The following CREB5 variants were observed in gnomAD, a reference collection of about 807,000 sequenced individuals.
The protein encoded by CREB5 is cyclic AMP-responsive element-binding protein 5.
Under a neutral mutation model 57.1 loss-of-function variants are expected in CREB5, and 19 were observed. The ratio of observed to expected loss-of-function variants is 0.33; its 90% CI spans 0.23 to 0.49. The LOEUF is 0.49. Ranked by LOEUF, CREB5 falls within the 20% of genes least tolerant of loss-of-function variation. The probability of loss-of-function intolerance (pLI) is 0.99; values close to 1 mark genes in which losing one functional copy is unlikely to be tolerated. For missense variants in CREB5, 579 were observed against 671.6 expected, an observed-to-expected ratio of 0.86 and a Z score of 1.52; for synonymous variants, 238 against 238.3, an observed-to-expected ratio of 1.00 and a Z score of 0.01.
At chr7:28,386,861 G>A (rs1280093708) in intron 1 of CREB5, among the ~76,000 whole-genome samples, 6 of 152,136 alleles carry the variant, frequency 3.9e-5, no homozygotes, top group African/African-American at 1.2e-4. Flanking sequence ...GTTTGCTGAG[G>A]ACAATGGCCT....
intron 1 of CREB5, among the ~76,000 whole-genome samples, chr7:28,417,354 T>TC (rs70977042): frequency 0.036 from 2,376 of 66,298 alleles, 43 homozygotes; most frequent in South Asian, 0.13. Context: ...TTTCTCTCTC[T>TC]TTTTTTTTTT....
In CREB5 at chr7:28,818,690, G is replaced by T. The variant is rs1409576826; in HGVS notation, c.1364-426G>T. The T allele has an allele frequency of 1.5e-5, 7 of 453,210 alleles. No individual in the cohort carries two copies. In the East Asian group the frequency reaches 4.8e-4, roughly 31 times the overall value. 28.1% of individuals were successfully genotyped at this position (453,210 alleles called of 1,614,324 possible). ...TGGAATGCCAGTTGGTTAAATGATA[G>T]TTGAGTAGGGATGGTGGGAGGAGCA... On this transcript the variant is annotated intron_variant, in intron 10 of 10. Transcript: ENST00000357727.
chr7:28,649,130 A>G (rs1158974591), intron 5 of CREB5, among the ~76,000 whole-genome samples: 1 of 152,332 alleles, frequency 6.6e-6, no homozygotes, highest in East Asian at 1.9e-4. Flanking sequence ...GGTGAACTAT[A>G]TACGAAGCAG....
At position 28,470,836 on chromosome 7, in the gene CREB5, G is replaced by A. The variant is rs150748952; in HGVS notation, c.4-17339G>A. Among the ~76,000 whole-genome samples the A allele has an allele frequency of 3.0e-3, 454 of 152,268 alleles. 5 individuals carry two copies. The highest frequency in any genetic ancestry group is 0.01 in the African/African-American group (430 of 41,558). On this transcript the variant is annotated intron_variant, in intron 1 of 10. Coordinates refer to ENST00000357727, the MANE Select transcript of CREB5 (RefSeq NM_182898.4). ...CATTTCTCTGATGATAAATGACGTT[G>A]CACACCCTTTCATATGTCGGTTTGC...
chr7:28,533,913 T>C (rs1156563143), intron 4 of CREB5, among the ~76,000 whole-genome samples: 3 of 152,152 alleles, frequency 2.0e-5, no homozygotes, highest in Non-Finnish European at 2.9e-5. Flanking sequence ...AGTGTAAACA[T>C]GAGTCAGAAT....
intron 1 of CREB5, among the ~76,000 whole-genome samples, chr7:28,371,560 A>T (rs975264089): frequency 1.3e-5 from 2 of 151,186 alleles, no homozygotes; most frequent in Non-Finnish European, 2.9e-5. Flanking sequence ...GAGCTGGAAC[A>T]GGTCTTCAGC....
chr7:28,790,682 A>G (rs1027184149), intron 7 of CREB5, among the ~76,000 whole-genome samples: 2 of 152,260 alleles, frequency 1.3e-5, no homozygotes, highest in Admixed American at 1.3e-4. Context: ...AAACGTTTCA[A>G]TCGAAACCCA....
At chr7:28,387,046 A>G (rs1273814959) in intron 1 of CREB5, among the ~76,000 whole-genome samples, 1 of 152,166 alleles carries the variant, frequency 6.6e-6, no homozygotes, top group African/African-American at 2.4e-5. Flanking sequence ...ATACACATGC[A>G]TGTATCTTTA....
At chr7:28,556,450 C>T (rs1039387387) in intron 4 of CREB5, among the ~76,000 whole-genome samples, 1 of 151,962 alleles carries the variant, frequency 6.6e-6, no homozygotes, top group Admixed American at 6.5e-5. Context: ...TTAGCTCTGC[C>T]GTCTATTGTT....
At chr7:28,718,039 C>A (rs1802800855) in intron 5 of CREB5, among the ~76,000 whole-genome samples, 2 of 152,172 alleles carry the variant, frequency 1.3e-5, no homozygotes, top group South Asian at 4.1e-4. Flanking sequence ...GTACAATACT[C>A]CCCCGAGGAG....
At chr7:28,791,019 G>A (rs368080667) in intron 7 of CREB5, among the ~76,000 whole-genome samples, 4 of 152,146 alleles carry the variant, frequency 2.6e-5, no homozygotes, top group Non-Finnish European at 4.4e-5. Context: ...GAAAACAACC[G>A]TATAGGATAC....
chr7:28,573,823 A>C (rs1795797337), intron 5 of CREB5, among the ~76,000 whole-genome samples: 1 of 152,204 alleles, frequency 6.6e-6, no homozygotes, highest in African/African-American at 2.4e-5. Context: ...GCCAAACCAG[A>C]CCAAAATGAG....
chr7:28,473,597 G>A (rs931619694), intron 1 of CREB5, among the ~76,000 whole-genome samples: 2 of 152,178 alleles, frequency 1.3e-5, no homozygotes, highest in African/African-American at 4.8e-5. Context: ...GACTTTTGCT[G>A]GAAGACTGAG....
At chr7:28,794,187 T>G (rs1405410572) in intron 7 of CREB5, among the ~76,000 whole-genome samples, 1 of 152,222 alleles carries the variant, frequency 6.6e-6, no homozygotes, top group East Asian at 1.9e-4. Context: ...AGGGATTACT[T>G]TTTTCCAATA....
intron 4 of CREB5, among the ~76,000 whole-genome samples, chr7:28,553,774 C>T (rs552403953): frequency 2.0e-5 from 3 of 152,202 alleles, no homozygotes; most frequent in Admixed American, 6.5e-5. Flanking sequence ...TAGGAAAATA[C>T]GTTAAGTGGC....
At chr7:28,575,306 C>G (rs757849468) in intron 5 of CREB5, among the ~76,000 whole-genome samples, 1 of 152,164 alleles carries the variant, frequency 6.6e-6, no homozygotes, top group Non-Finnish European at 1.5e-5. Context: ...AATGTTAATA[C>G]ATTTGAGGGT....
At chr7:28,584,837 G>A (rs1178807793) in intron 5 of CREB5, among the ~76,000 whole-genome samples, 1 of 151,734 alleles carries the variant, frequency 6.6e-6, no homozygotes. Flanking sequence ...ACAGATGTGG[G>A]GGATAAATAC....
chr7:28,817,565 C>T (rs1465974999), intron 9 of CREB5, among the ~76,000 whole-genome samples: 2 of 152,202 alleles, frequency 1.3e-5, no homozygotes, highest in African/African-American at 4.8e-5. Flanking sequence ...TATTCACATT[C>T]TCAATTGGAT....
chr7:28,510,623 A>T (rs1438043670), intron 4 of CREB5, among the ~76,000 whole-genome samples: 1 of 152,230 alleles, frequency 6.6e-6, no homozygotes, highest in Non-Finnish European at 1.5e-5. Context: ...TCCATTGGGG[A>T]AAAGTCTGTT....
Sources: allele counts gnomAD v4.1 joint callset (sites outside exome capture counted in the v4.1 genomes callset), GRCh38; gene constraint gnomAD v4.1.1; transcripts MANE v1.5; gene names NCBI Gene and HGNC (gene_info 2026-07-23, HGNC 2026-07-21).